Variants in ZNF407 observed in about 807,000 individuals in gnomAD.
ZNF407 encodes the protein zinc finger protein 407.
ZNF407 carries 17 observed loss-of-function variants against 131.2 expected under a neutral mutation model. That is an observed-to-expected ratio of 0.13 (90% CI 0.09 to 0.19). The LOEUF is 0.19. ZNF407 is among the 10% of genes least tolerant of loss of function. ZNF407 has a pLI of 1.00. For missense variants in ZNF407, 2,681 were observed against 2,830.6 expected (o/e 0.95, Z 1.20); for synonymous variants, 1,156 against 1,062.0 (o/e 1.09, Z -1.72).
intron 8 of ZNF407, among the ~76,000 whole-genome samples, chr18:75,004,073 C>A (rs972623318): frequency 6.6e-6 from 1 of 152,152 alleles, no homozygotes; most frequent in African/African-American, 2.4e-5. Flanking sequence ...GTTTAACCAA[C>A]CCTCTTTCTT....
At chr18:74,804,315 A>AC (rs1244245818) in intron 4 of ZNF407, 6 of 1,121,146 alleles carry the variant, frequency 5.4e-6, no homozygotes, top group Non-Finnish European at 6.5e-6. Context: ...AAAAAAAAAA[A>AC]CCCTTAATGA....
chr18:75,059,797 A>C (rs1298541157), intron 8 of ZNF407, among the ~76,000 whole-genome samples: 3 of 58,422 alleles, frequency 5.1e-5, no homozygotes, highest in Non-Finnish European at 1.4e-4. Context: ...GGAGGATCAA[A>C]GTTTACAAGA....
At chr18:74,835,007 T>C (rs1034628034) in intron 4 of ZNF407, among the ~76,000 whole-genome samples, 7 of 152,234 alleles carry the variant, frequency 4.6e-5, no homozygotes, top group African/African-American at 1.4e-4. Flanking sequence ...CCTTTGAAGA[T>C]GCAGATAGAT....
Position 74,633,524 on chromosome 18 carries a change from A to G in ZNF407, c.2505A>G (p.Ser835=). 1 of 1,614,074 alleles carries G rather than the reference A, an allele frequency of 6.2e-7. No homozygotes were observed. The highest frequency in any genetic ancestry group is 2.2e-5 in the East Asian group (1 of 44,888). ...GCACCAAAGATGATGAATTAGCTTCAACCACTACTCCAAAGAGAGGGAGAC... is the reference window on the plus strand; with the variant it reads ...GCACCAAAGATGATGAATTAGCTTCGACCACTACTCCAAAGAGAGGGAGAC... The part of the protein sequence containing the change: ...GGSTKDDELA[S]TTTPKRGRPK... Residue 835 remains serine, a synonymous_variant, in exon 2 of 9, where the codon TCA becomes TCG. Coordinates refer to ENST00000299687, the MANE Select transcript of ZNF407 (RefSeq NM_017757.3).
At chr18:74,799,815 C>G (rs943515149) in intron 4 of ZNF407, among the ~76,000 whole-genome samples, 4 of 150,340 alleles carry the variant, frequency 2.7e-5, no homozygotes, top group African/African-American at 9.8e-5. Flanking sequence ...AATATTCAAT[C>G]AAAGTTTACA....
intron 8 of ZNF407, among the ~76,000 whole-genome samples, chr18:75,019,934 A>G (rs1362183449): frequency 6.6e-6 from 1 of 152,152 alleles, no homozygotes. Flanking sequence ...CCCATGATCC[A>G]GTCACCTCCC....
At chr18:74,846,378 C>T (rs1360205085) in intron 4 of ZNF407, among the ~76,000 whole-genome samples, 1 of 151,360 alleles carries the variant, frequency 6.6e-6, no homozygotes, top group African/African-American at 2.4e-5. Context: ...TCTGCTCTGT[C>T]ACCCAGGCTG....
At chr18:74,708,738 G>A (rs1599087315) in intron 3 of ZNF407, among the ~76,000 whole-genome samples, 1 of 152,350 alleles carries the variant, frequency 6.6e-6, no homozygotes, top group Non-Finnish European at 1.5e-5. Flanking sequence ...TTGCTGTATG[G>A]CTGCCACAAC....
chr18:74,867,738 T>A (rs916922214), intron 4 of ZNF407, among the ~76,000 whole-genome samples: 20 of 152,224 alleles, frequency 1.3e-4, no homozygotes, highest in Non-Finnish European at 2.6e-4. Context: ...TAAAATTTTA[T>A]ACAGTAATAT....
At chr18:74,760,273 GC>G (rs1223873081) in intron 3 of ZNF407, among the ~76,000 whole-genome samples, 1 of 152,098 alleles carries the variant, frequency 6.6e-6, no homozygotes, top group Non-Finnish European at 1.5e-5. Flanking sequence ...GCTTCATCAG[GC>G]AGTTATCAAC....
At chr18:74,878,666 G>A (rs976116075) in intron 5 of ZNF407, among the ~76,000 whole-genome samples, 12 of 152,140 alleles carry the variant, frequency 7.9e-5, no homozygotes, top group East Asian at 3.9e-4. Context: ...ATTAGTTTCC[G>A]TGTCTTTCTA....
chr18:75,064,339 A>G lies in ZNF407; in HGVS notation c.6618A>G (p.Leu2206=). ...SQELLQAGAT[L]GTEAGAPSRA... ...AACTCCTGCAGGCCGGGGCCACGCT[A>G]GGCACAGAGGCCGGGGCCCCAAGCA... is the stretch of plus-strand genomic sequence containing the variant. The change falls in exon 9 of 9, where the codon CTA becomes CTG. Residue 2206 remains leucine (L), a synonymous_variant. Transcript: ENST00000299687. 1 of 1,592,054 alleles carries G rather than the reference A, an allele frequency of 6.3e-7. No individual in the cohort carries two copies. The highest frequency in any genetic ancestry group is 8.5e-7 in the Non-Finnish European group (1 of 1,170,184).
chr18:74,667,321 A>C (rs8092032), intron 3 of ZNF407, among the ~76,000 whole-genome samples: 1 of 152,046 alleles, frequency 6.6e-6, no homozygotes, highest in Non-Finnish European at 1.5e-5. Flanking sequence ...TGTGTGTTAC[A>C]GTAGGTCTAA....
At chr18:75,016,509 A>AACTGC (rs58600290) in intron 8 of ZNF407, among the ~76,000 whole-genome samples, 112,706 of 151,102 alleles carry the variant, frequency 0.75, 43,141 homozygotes, top group Non-Finnish European at 0.83. Context: ...TGCCATATTG[A>AACTGC]ACTGCACTGC....
intron 2 of ZNF407, among the ~76,000 whole-genome samples, chr18:74,637,579 G>A (rs1036278024): frequency 1.3e-5 from 2 of 151,762 alleles, no homozygotes; most frequent in African/African-American, 4.8e-5. Flanking sequence ...CAAGAGCCCT[G>A]TTCCTGAGGA....
intron 8 of ZNF407, among the ~76,000 whole-genome samples, chr18:74,933,704 G>T (rs907709047): frequency 1.3e-5 from 2 of 152,142 alleles, no homozygotes; most frequent in African/African-American, 4.8e-5. Context: ...ATTTGATTGG[G>T]ATGGGAAAAG....
chr18:74,956,063 A>G (rs1269161768), intron 8 of ZNF407, among the ~76,000 whole-genome samples: 3 of 152,278 alleles, frequency 2.0e-5, no homozygotes, highest in Non-Finnish European at 2.9e-5. Flanking sequence ...TCAAATTCCT[A>G]TTTTAAAGTA....
At position 74,601,325 on chromosome 18, in the gene ZNF407, A is replaced by ATGTCTG. The variant is rs767928409; in HGVS notation, c.-54+3392_-54+3397dup. ...GTTAGTTGTGTGTGTGTGTGTGTGT[A>ATGTCTG]TGTCTGTGTGTGTGTGTGTGTGTGT... On this transcript the variant is annotated intron_variant, in intron 1 of 8. Transcript: ENST00000299687. Among the ~76,000 whole-genome samples the ATGTCTG allele has an allele frequency of 6.8e-4, 65 of 95,160 alleles. No homozygotes were observed. The East Asian group carries it at 0.019, about 27-fold the overall frequency. 62.4% of individuals were successfully genotyped at this position (95,160 alleles called of 152,430 possible). A position where few individuals can be genotyped will look rare whatever the true frequency, so the allele number is the denominator to read the frequency against.
At chr18:74,717,339 G>A (rs1967919139) in intron 3 of ZNF407, among the ~76,000 whole-genome samples, 1 of 152,116 alleles carries the variant, frequency 6.6e-6, no homozygotes, top group Non-Finnish European at 1.5e-5. Flanking sequence ...TCCGATAGTG[G>A]CACCTTTTTT....
Sources: allele counts gnomAD v4.1 joint callset (sites outside exome capture counted in the v4.1 genomes callset), GRCh38; gene constraint gnomAD v4.1.1; transcripts MANE v1.5; gene names NCBI Gene and HGNC (gene_info 2026-07-23, HGNC 2026-07-21).